KCNQ2: variants seen among roughly 807,000 people sequenced by gnomAD.
The protein encoded by KCNQ2 is potassium voltage-gated channel subfamily Q member 2, also known as potassium voltage-gated channel subfamily KQT member 2.
In KCNQ2, 14 loss-of-function variants were observed where a neutral mutation model predicts 84.8. The ratio of observed to expected loss-of-function variants is 0.17; its 90% CI spans 0.11 to 0.26. The LOEUF is 0.26. Ranked by LOEUF, KCNQ2 falls within the 10% of genes least tolerant of loss-of-function variation. The pLI, the probability that KCNQ2 is intolerant of heterozygous loss-of-function variation, is 1.00. For missense variants in KCNQ2, 788 were observed against 1,254.0 expected, an observed-to-expected ratio of 0.63 and a Z score of 5.61; for synonymous variants, 599 against 554.1, an observed-to-expected ratio of 1.08 and a Z score of -1.14.
rs924202994 is a variant in KCNQ2 at position 63,402,797 on chromosome 20, C to T, written c.*3847G>A. 3.3e-5 allele frequency: 5 copies of T among 152,502 alleles called. No individual in the cohort carries two copies. The highest frequency in any genetic ancestry group is 1.2e-4 in the African/African-American group (5 of 41,588). The allele number at this position is 152,502 out of a possible 1,614,324, so 9.4% of individuals were successfully genotyped here. The stretch of plus-strand genomic sequence containing the variant: ...GACGAGGCCCCCCAAAAGGTAGGGG[C>T]ATCGCTGAGGGGCAGCGTGTCCTCC... On this transcript the variant is annotated 3_prime_UTR_variant, in exon 17 of 17. Coordinates refer to ENST00000359125, the MANE Select transcript of KCNQ2 (RefSeq NM_172107.4).
At chr20:63,424,597 G>A (rs543067637) in intron 10 of KCNQ2, 22 of 237,060 alleles carry the variant, frequency 9.3e-5, no homozygotes, top group Non-Finnish European at 1.7e-4. Context: ...ATCAATTTTC[G>A]AGACAGAGTG....
chr20:63,427,536 C>T (rs959737558), intron 10 of KCNQ2, among the ~76,000 whole-genome samples: 1 of 152,234 alleles, frequency 6.6e-6, no homozygotes, highest in Admixed American at 6.5e-5. Flanking sequence ...AATCAAGGTG[C>T]GGGCGGGGCC....
At chr20:63,428,819 G>A (rs73918913) in intron 9 of KCNQ2, among the ~76,000 whole-genome samples, 17,014 of 152,112 alleles carry the variant, frequency 0.11, 1,039 homozygotes, top group Middle Eastern at 0.22. Flanking sequence ...GACAGCACGC[G>A]AATATATTTA....
At chr20:63,445,503 C>CCCCCAAAGGT in intron 2 of KCNQ2, 139 bp from the exon 3 acceptor site, 1 of 857,390 alleles carries the variant, frequency 1.2e-6, no homozygotes, top group Non-Finnish European at 1.8e-6. Flanking sequence ...GCAAGCTGAC[C>CCCCCAAAGGT]CCCCCACCCC....
chr20:63,439,253 A>G (rs577560495), intron 6 of KCNQ2, among the ~76,000 whole-genome samples: 1 of 152,322 alleles, frequency 6.6e-6, no homozygotes, highest in East Asian at 1.9e-4. Flanking sequence ...CTAGAGACCC[A>G]TGAGGGACCT....
chr20:63,429,533 C>T (rs1005828661), intron 9 of KCNQ2, among the ~76,000 whole-genome samples: 12 of 152,144 alleles, frequency 7.9e-5, no homozygotes, highest in Non-Finnish European at 5.9e-5. Flanking sequence ...CTCCCTCTGC[C>T]CCAGGCTGGG....
intron 1 of KCNQ2, chr20:63,466,675 C>A (rs1472682022): frequency 6.6e-6 from 1 of 152,220 alleles, no homozygotes; most frequent in Admixed American, 6.5e-5. Flanking sequence ...ACAGGTTACC[C>A]CCACCACGCA....
chr20:63,458,331 G>A (rs918768253), intron 1 of KCNQ2, among the ~76,000 whole-genome samples: 1 of 152,144 alleles, frequency 6.6e-6, no homozygotes, highest in Non-Finnish European at 1.5e-5. Context: ...ACCCTGGCCT[G>A]GCCCTCGAGG....
In KCNQ2 at chr20:63,408,955, A is replaced by G. The variant is rs1246603518; in HGVS notation, c.1764-419T>C. ...CACTGCAGGGCCTGGAGCCCACTCC[A>G]GAGGATGCCCCTCCCCCTACCCGTG... On this transcript the variant is annotated intron_variant, in intron 15 of 16. Coordinates refer to ENST00000359125, the MANE Select transcript of KCNQ2 (RefSeq NM_172107.4). The surrounding 1 kb of genome is among the most constrained non-coding windows in gnomAD (Gnocchi z 5.0). Among the ~76,000 whole-genome samples the G allele has an allele frequency of 1.3e-5, 2 of 152,198 alleles. No individual in the cohort carries two copies. Among genetic ancestry groups the G allele is most frequent in the East Asian group, 1.9e-4 (1 of 5,184 alleles).
rs994965748 is a variant in KCNQ2, at chr20:63,446,236, G to A, written c.387+511C>T. The A allele has an allele frequency of 4.0e-5, 10 of 251,430 alleles. No homozygotes were observed. Among genetic ancestry groups the A allele is most frequent in the Admixed American group, 3.7e-4 (7 of 19,170 alleles). The allele number at this position is 251,430 out of a possible 1,614,324, so 15.6% of individuals were successfully genotyped here. ...AAGCCCCAGAACAGAGGAGCAGGGC[G>A]GGCAGTAGAGGGAGGTGCATTTGGA... On this transcript the variant is annotated intron_variant, in intron 2 of 16. Coordinates refer to ENST00000359125, the MANE Select transcript of KCNQ2 (RefSeq NM_172107.4). The surrounding 1 kb of genome is among the most constrained non-coding windows in gnomAD (Gnocchi z 5.5).
At chr20:63,470,558 C>A (rs1408961023) in intron 1 of KCNQ2, among the ~76,000 whole-genome samples, 1 of 152,240 alleles carries the variant, frequency 6.6e-6, no homozygotes, top group Non-Finnish European at 1.5e-5. Flanking sequence ...GCTGACCCAA[C>A]GGGAAACCTC....
intron 5 of KCNQ2, among the ~76,000 whole-genome samples, chr20:63,441,709 G>A (rs932960): frequency 0.21 from 31,635 of 152,110 alleles, 3,695 homozygotes; most frequent in Non-Finnish European, 0.27. Flanking sequence ...CCCGGGGCAC[G>A]CTCAGCTCTC....
rs1280763857 is a variant in KCNQ2, at chr20:63,438,417, G to A, written c.1023+208C>T. ...AAGGGCCACCCCAGCGTCCTCACAC[G>A]AGCCACCCCTGTGCAGCCTCAGGGG... is the stretch of plus-strand genomic sequence containing the variant. On this transcript the variant is annotated intron_variant, in intron 7 of 16. Transcript: ENST00000359125. This position sits in a 1 kb window ranked among gnomAD's most constrained non-coding sequence, Gnocchi z 5.1. The A allele has an allele frequency of 6.4e-5, 40 of 624,152 alleles. No homozygotes were observed. The highest frequency in any genetic ancestry group is 5.2e-4 in the East Asian group (19 of 36,278). 38.7% of individuals were successfully genotyped at this position (624,152 alleles called of 1,614,324 possible). A position where few individuals can be genotyped will look rare whatever the true frequency, so the allele number is the denominator to read the frequency against.
chr20:63,437,330 T>TA (rs1388904889), intron 7 of KCNQ2: 2 of 152,250 alleles, frequency 1.3e-5, no homozygotes, highest in Non-Finnish European at 2.9e-5. Flanking sequence ...TCACCACACG[T>TA]ACGTGGTCAC....
chr20:63,434,196 C>A, intron 7 of KCNQ2: 1 of 474,386 alleles, frequency 2.1e-6, no homozygotes, highest in South Asian at 3.6e-5. Context: ...GTGTTCTTTC[C>A]TTTTCATGAC....
chr20:63,468,684 A>G (rs1346104126), intron 1 of KCNQ2, among the ~76,000 whole-genome samples: 2 of 152,100 alleles, frequency 1.3e-5, no homozygotes. Flanking sequence ...AAAACCCTGG[A>G]CCCCAGCTGA....
In KCNQ2 at chr20:63,406,622, G is replaced by A. The variant is rs892668981; in HGVS notation, c.*22C>T. 1.9e-6 allele frequency: 3 copies of A among 1,575,886 alleles called. No homozygotes were observed. Among genetic ancestry groups the A allele is most frequent in the Non-Finnish European group, 2.6e-6 (3 of 1,166,526 alleles). On this transcript the variant is annotated 3_prime_UTR_variant, in exon 17 of 17. Transcript: ENST00000359125. ...ACCGTGCTGAGGAGGGCCGCGGGCG[G>A]GTCCACTGGCCCAGCGCCGCCTCAC...
At chr20:63,417,042 C>T (rs1006999873) in intron 12 of KCNQ2, among the ~76,000 whole-genome samples, 10 of 152,292 alleles carry the variant, frequency 6.6e-5, no homozygotes, top group East Asian at 5.8e-4. Context: ...TGCTTGGGGA[C>T]GTCAGGAGCC....
chr20:63,424,288 T>A (rs1403717245), intron 10 of KCNQ2, 82 bp from the exon 11 acceptor site: 1 of 1,465,132 alleles, frequency 6.8e-7, no homozygotes, highest in Non-Finnish European at 9.4e-7. Flanking sequence ...CCCCCCACAG[T>A]CCCATGGGTC....
Sources: gnomAD v4.1 joint callset for allele counts (sites outside exome capture counted in the v4.1 genomes callset) on GRCh38, gnomAD v4.1.1 for gene constraint, Gnocchi (gnomAD v3.1) non-coding constraint, MANE v1.5 for transcripts, NCBI Gene and HGNC (gene_info 2026-07-23, HGNC 2026-07-21) for gene names.